Variants in STXBP6 observed in about 807,000 individuals in gnomAD.
The protein encoded by STXBP6 is syntaxin binding protein 6.
In STXBP6, 21 loss-of-function variants were observed where a neutral mutation model predicts 26.9. That is an observed-to-expected ratio of 0.78 (90% CI 0.55 to 1.12). STXBP6 has a LOEUF of 1.12. STXBP6 is among the 50% of genes most tolerant of loss of function. The pLI is 0.00. For synonymous variants in STXBP6, 97 were observed against 92.6 expected (o/e 1.05, Z -0.27); for missense variants, 232 against 257.9 (o/e 0.90, Z 0.69).
intron 2 of STXBP6, among the ~76,000 whole-genome samples, chr14:24,944,090 A>C (rs2072897517): frequency 6.6e-6 from 1 of 152,196 alleles, no homozygotes; most frequent in Admixed American, 6.5e-5. Context: ...AGCATCCTCC[A>C]CAAGAAGAGG....
Position 24,918,483 on chromosome 14 carries a change from C to A in STXBP6, c.154+56182G>T, listed in dbSNP as rs12588947. Among the ~76,000 whole-genome samples the A allele has an allele frequency of 3.5e-3, 497 of 142,560 alleles. 9 individuals are homozygous for A. The East Asian group carries it at 0.069, about 20-fold the overall frequency. The allele number at this position is 142,560 out of a possible 152,430, so 93.5% of individuals were successfully genotyped here. ...ACACACACACACACACACACACACA[C>A]ACACACACACACACACACAGCAGGC... On this transcript the variant is annotated intron_variant, in intron 2 of 5. Transcript: ENST00000323944.
rs553454802 is a variant in STXBP6, at chr14:24,926,749, C to A, written c.154+47916G>T. ...GTGCAGTTCATATCCCAGCTCTACA[C>A]CTAACTACGTGTGTGAACATGGGCA... On this transcript the variant is annotated intron_variant, in intron 2 of 5. Coordinates refer to ENST00000323944, the MANE Select transcript of STXBP6 (RefSeq NM_001394410.1). 1.7e-3 allele frequency among the ~76,000 whole-genome samples: 252 copies of A among 152,232 alleles called. 2 individuals carry two copies. The highest frequency in any genetic ancestry group is 2.3e-3 in the Non-Finnish European group (156 of 68,038).
chr14:24,820,098 G>T (rs17108464), intron 4 of STXBP6, among the ~76,000 whole-genome samples: 2,351 of 152,298 alleles, frequency 0.015, 69 homozygotes, highest in African/African-American at 0.054. Flanking sequence ...ATAGCAACTT[G>T]CAAAATGACA....
intron 1 of STXBP6, among the ~76,000 whole-genome samples, chr14:24,992,839 G>A (rs1014798238): frequency 6.6e-6 from 1 of 152,192 alleles, no homozygotes; most frequent in South Asian, 2.1e-4. Flanking sequence ...CAGACTTGAT[G>A]AGTATGATAA....
chr14:24,957,445 C>T (rs1277129376), intron 2 of STXBP6, among the ~76,000 whole-genome samples: 1 of 152,172 alleles, frequency 6.6e-6, no homozygotes, highest in Non-Finnish European at 1.5e-5. Flanking sequence ...CTCTTCTGCC[C>T]GCTGATAGAA....
At chr14:24,864,702 AT>A (rs1467184476) in intron 2 of STXBP6, among the ~76,000 whole-genome samples, 1 of 152,178 alleles carries the variant, frequency 6.6e-6, no homozygotes, top group Non-Finnish European at 1.5e-5. Context: ...CTAAACATAT[AT>A]CACTAGGTTT....
Position 24,830,403 on chromosome 14 carries a change from G to GA in STXBP6, c.452-11210dup, listed in dbSNP as rs369390104. Among the ~76,000 whole-genome samples, 611 of 152,270 alleles carry GA rather than the reference G, an allele frequency of 4.0e-3. 4 individuals carry two copies. Among genetic ancestry groups the GA allele is most frequent in the African/African-American group, 0.014 (595 of 41,548 alleles). On this transcript the variant is annotated intron_variant, in intron 4 of 5. Coordinates refer to ENST00000323944, the MANE Select transcript of STXBP6 (RefSeq NM_001394410.1). ...TACTAGGATGATGTCAGTGAGATGA[G>GA]ATGTATGGAAAGATTTGAGATACAT...
intron 1 of STXBP6, among the ~76,000 whole-genome samples, chr14:24,977,405 T>C (rs1414437652): frequency 6.6e-6 from 1 of 152,048 alleles, no homozygotes; most frequent in African/African-American, 2.4e-5. Context: ...TAAATACTGA[T>C]AGTCAGTGAC....
intron 4 of STXBP6, among the ~76,000 whole-genome samples, chr14:24,855,139 A>T (rs891357186): frequency 6.6e-6 from 1 of 152,050 alleles, no homozygotes; most frequent in African/African-American, 2.4e-5. Flanking sequence ...TTCATATGAA[A>T]CATATATACA....
chr14:24,819,351 G>C lies in STXBP6; in HGVS notation c.452-157C>G, dbSNP rs573023685. On this transcript the variant is annotated intron_variant, in intron 4 of 5. Transcript: ENST00000323944. ...AAACAAGCCGACATTTCTTTTGATT[G>C]GGTTTGACTGACGCACTTGCAGCAA... is the stretch of plus-strand genomic sequence containing the variant. 13 of 827,942 alleles carry C rather than the reference G, an allele frequency of 1.6e-5. No homozygotes were observed. The East Asian group carries it at 3.5e-4, about 22-fold the overall frequency. 51.3% of individuals were successfully genotyped at this position (827,942 alleles called of 1,614,324 possible).
chr14:25,031,142 G>C (rs2075446809), intron 1 of STXBP6, among the ~76,000 whole-genome samples: 1 of 152,072 alleles, frequency 6.6e-6, no homozygotes, highest in African/African-American at 2.4e-5. Flanking sequence ...TTTAGAACAA[G>C]ACAAAGCCAT....
At chr14:24,962,888 G>GAAAAAA (rs34723086) in intron 2 of STXBP6, among the ~76,000 whole-genome samples, 1 of 143,816 alleles carries the variant, frequency 7.0e-6, no homozygotes. Context: ...GGTGAAAACT[G>GAAAAAA]AAAAAAAAAA....
At chr14:24,843,316 TAC>T (rs1566402135) in intron 4 of STXBP6, among the ~76,000 whole-genome samples, 1 of 152,156 alleles carries the variant, frequency 6.6e-6, no homozygotes, top group Non-Finnish European at 1.5e-5. Context: ...TACATATAAA[TAC>T]AGACGACTGT....
intron 2 of STXBP6, among the ~76,000 whole-genome samples, chr14:24,971,459 C>G (rs906173735): frequency 6.6e-6 from 1 of 152,166 alleles, no homozygotes; most frequent in Non-Finnish European, 1.5e-5. Context: ...AACCAAACCA[C>G]AATAGTTGAA....
At chr14:24,979,546 T>A (rs1468644136) in intron 1 of STXBP6, among the ~76,000 whole-genome samples, 1 of 152,232 alleles carries the variant, frequency 6.6e-6, no homozygotes, top group Non-Finnish European at 1.5e-5. Context: ...ATTACCACTT[T>A]GTTTTTGAAA....
At chr14:24,850,970 G>C (rs956226596) in intron 4 of STXBP6, among the ~76,000 whole-genome samples, 1 of 152,058 alleles carries the variant, frequency 6.6e-6, no homozygotes, top group African/African-American at 2.4e-5. Flanking sequence ...GGTTTGCAAA[G>C]AACCTACTTT....
At chr14:24,990,656 T>A (rs1485629848) in intron 1 of STXBP6, among the ~76,000 whole-genome samples, 5 of 59,260 alleles carry the variant, frequency 8.4e-5, no homozygotes, top group Non-Finnish European at 1.5e-4. Flanking sequence ...TGAAACTCCA[T>A]CTCAAAAAAA....
chr14:25,017,558 G>T (rs2075175725), intron 1 of STXBP6, among the ~76,000 whole-genome samples: 1 of 152,198 alleles, frequency 6.6e-6, no homozygotes. Flanking sequence ...GACAGTATAA[G>T]GTAAGGATGC....
chr14:25,023,402 C>G (rs1181817914), intron 1 of STXBP6, among the ~76,000 whole-genome samples: 1 of 151,966 alleles, frequency 6.6e-6, no homozygotes, highest in African/African-American at 2.4e-5. Context: ...CTTGATTCAT[C>G]TAAATTTGCA....
Sources: allele counts gnomAD v4.1 joint callset (sites outside exome capture counted in the v4.1 genomes callset), GRCh38; gene constraint gnomAD v4.1.1; transcripts MANE v1.5; gene names NCBI Gene and HGNC (gene_info 2026-07-23, HGNC 2026-07-21).